NPC1L1: variants seen among roughly 807,000 people sequenced by gnomAD.
NPC1L1 encodes the protein NPC1 like intracellular cholesterol transporter 1.
In NPC1L1, 98 loss-of-function variants were observed where a neutral mutation model predicts 117.0. The observed-to-expected ratio is 0.84, with a 90% CI of 0.71 to 0.99. NPC1L1 has a LOEUF of 0.99. Ranked by LOEUF, NPC1L1 falls within the 50% of genes least tolerant of loss-of-function variation. The probability of loss-of-function intolerance (pLI) is 0.00; values close to 1 mark genes in which losing one functional copy is unlikely to be tolerated. For missense variants in NPC1L1, 1,540 were observed against 1,710.0 expected (o/e 0.90, Z 1.75); for synonymous variants, 729 against 727.6 (o/e 1.00, Z -0.03).
chr7:44,524,693 G>A (rs748878525), intron 10 of NPC1L1, among the ~76,000 whole-genome samples: 5 of 151,796 alleles, frequency 3.3e-5, no homozygotes, highest in Admixed American at 6.6e-5. Flanking sequence ...GCAGTGACCC[G>A]AGATCACACC....
rs374386282 is a variant in NPC1L1, at chr7:44,517,231, G to A, written c.3263C>T (p.Pro1088Leu). The change falls in exon 15 of 19, where the codon CCG (proline) becomes CTG (leucine). Residue 1088 changes from proline (P) to leucine (L), a missense_variant. By Grantham distance (98) the Pro-to-Leu change is moderately conservative (BLOSUM62 -3). Transcript: ENST00000381160. ...CGTGTAGGGGAAGACCTCAAAAGCCGGGTCTGTTCCAGGCACTTTCCGCAG... is the reference window on the plus strand; with the variant it reads ...CGTGTAGGGGAAGACCTCAAAAGCCAGGTCTGTTCCAGGCACTTTCCGCAG... ...ADLRKVPGTDPAFEVFPYTIT... is the reference protein window; with the variant it reads ...ADLRKVPGTDLAFEVFPYTIT... 1.4e-5 allele frequency: 22 copies of A among 1,613,828 alleles called. No individual in the cohort carries two copies. In the African/African-American group the frequency reaches 1.6e-4, roughly 12 times the overall value.
In NPC1L1 at chr7:44,536,698, A is replaced by G; in HGVS notation, c.1681+144T>C. 1.3e-6 allele frequency: 1 copy of G among 775,958 alleles called. No homozygotes were observed. Among genetic ancestry groups the G allele is most frequent in the East Asian group, 2.7e-5 (1 of 37,314 alleles). 48.1% of individuals were successfully genotyped at this position (775,958 alleles called of 1,614,324 possible). ...AAAGGAGATGGCAGAGAGAGGAAAC[A>G]GGACAGGGTTGGCCTACAGCTTCCA... On this transcript the variant is annotated intron_variant, in intron 3 of 18. Transcript: ENST00000381160. This position sits in a 1 kb window ranked among gnomAD's most constrained non-coding sequence, Gnocchi z 4.7.
chr7:44,540,424 G>A (rs1337463156), intron 1 of NPC1L1, 82 bp from the exon 2 acceptor site: 2 of 1,266,592 alleles, frequency 1.6e-6, no homozygotes. Flanking sequence ...GAGGGTGTGA[G>A]GGTAAGAAGG....
chr7:44,530,142 A>T (rs190059), intron 10 of NPC1L1, among the ~76,000 whole-genome samples: 6,901 of 152,214 alleles, frequency 0.045, 517 homozygotes, highest in African/African-American at 0.15. Flanking sequence ...GTTCAAGACC[A>T]GCCAGGCCAA....
intron 1 of NPC1L1, 138 bp downstream of exon 1, chr7:44,541,068 T>A: frequency 1.1e-6 from 1 of 888,110 alleles, no homozygotes; most frequent in South Asian, 1.6e-5. Context: ...GCATCCCTCA[T>A]GTGTCCAGAG....
At position 44,536,014 on chromosome 7, in the gene NPC1L1, A is replaced by G. The variant is rs1235815991; in HGVS notation, c.1855-46T>C. 3 of 1,612,020 alleles carry G rather than the reference A, an allele frequency of 1.9e-6. No homozygotes were observed. Among genetic ancestry groups the G allele is most frequent in the African/African-American group, 2.7e-5 (2 of 74,998 alleles). ...AGCCCCCACTGACCGTGCCTGCTTCAGCCAGGCCAGCTCTCAATAGCTCGG... is the reference window on the plus strand; with the variant it reads ...AGCCCCCACTGACCGTGCCTGCTTCGGCCAGGCCAGCTCTCAATAGCTCGG... On this transcript the variant is annotated intron_variant, in intron 4 of 18. Transcript: ENST00000381160. The surrounding 1 kb of genome is among the most constrained non-coding windows in gnomAD (Gnocchi z 4.7).
In NPC1L1 at chr7:44,536,124, A is replaced by G; in HGVS notation, c.1854+132T>C. The stretch of plus-strand genomic sequence containing the variant: ...TGAGGCTATAAGAACAGCCATCACA[A>G]TCACCCCGTTCTGAGCAGGCAGCCA... On this transcript the variant is annotated intron_variant, in intron 4 of 18. Coordinates refer to ENST00000381160, the MANE Select transcript of NPC1L1 (RefSeq NM_001101648.2). This position sits in a 1 kb window ranked among gnomAD's most constrained non-coding sequence, Gnocchi z 4.7. 6.5e-7 allele frequency: 1 copy of G among 1,538,700 alleles called. No individual in the cohort carries two copies. Among genetic ancestry groups the G allele is most frequent in the South Asian group, 1.1e-5 (1 of 88,908 alleles).
At chr7:44,515,728 G>T (rs182139631) in intron 18 of NPC1L1, 75 bp downstream of exon 18, 1 of 1,585,606 alleles carries the variant, frequency 6.3e-7, no homozygotes, top group Non-Finnish European at 8.7e-7. Context: ...CTGAGCTTTT[G>T]TGGTGAGCAT....
chr7:44,531,682 C>T lies in NPC1L1; in HGVS notation c.2637+73G>A, dbSNP rs1021508437. Reference sequence around the variant, plus strand: ...AGCCCCTGGCCGGAGGACCCCCCAACCCATCCCTGCTGGTTGCTACTGCCC... The same window carrying T: ...AGCCCCTGGCCGGAGGACCCCCCAATCCATCCCTGCTGGTTGCTACTGCCC... On this transcript the variant is annotated intron_variant, in intron 10 of 18. Coordinates refer to ENST00000381160, the MANE Select transcript of NPC1L1 (RefSeq NM_001101648.2). 1.8e-5 allele frequency: 24 copies of T among 1,366,338 alleles called. No homozygotes were observed. In the South Asian group the frequency reaches 2.9e-4, roughly 16 times the overall value. 84.6% of individuals were successfully genotyped at this position (1,366,338 alleles called of 1,614,324 possible).
Position 44,526,546 on chromosome 7 carries a change from C to CAAAAA in NPC1L1, c.2638-4309_2638-4305dup, listed in dbSNP as rs372498105. Among the ~76,000 whole-genome samples the CAAAAA allele has an allele frequency of 6.6e-4, 45 of 68,352 alleles. 1 individual carries two copies. The highest frequency in any genetic ancestry group is 2.7e-3 in the African/African-American group (39 of 14,402). 44.8% of individuals were successfully genotyped at this position (68,352 alleles called of 152,430 possible). On this transcript the variant is annotated intron_variant, in intron 10 of 18. Transcript: ENST00000381160. ...TCTGGGTGACAGTGAGACTCCATCT[C>CAAAAA]AAAAAAAAAAAAAAAAAACTAAAAA...
chr7:44,534,764 G>A lies in NPC1L1; in HGVS notation c.1984-135C>T, dbSNP rs549484284. 44 of 839,140 alleles carry A rather than the reference G, an allele frequency of 5.2e-5. No homozygotes were observed. In the South Asian group the frequency reaches 5.4e-4, roughly 10 times the overall value. The allele number at this position is 839,140 out of a possible 1,614,324, so 52.0% of individuals were successfully genotyped here. A position where few individuals can be genotyped will look rare whatever the true frequency, so the allele number is the denominator to read the frequency against. On this transcript the variant is annotated intron_variant, in intron 5 of 18. Coordinates refer to ENST00000381160, the MANE Select transcript of NPC1L1 (RefSeq NM_001101648.2). The surrounding 1 kb of genome is among the most constrained non-coding windows in gnomAD (Gnocchi z 5.2). ...GGTGCCCGATACTGCCCCCAGTGGT[G>A]AGGAGCTCACATCTCACATTAAAGC...
At position 44,531,776 on chromosome 7, in the gene NPC1L1, G is replaced by A. The variant is rs1379284770; in HGVS notation, c.2616C>T (p.Asp872=). Reference sequence around the variant, plus strand: ...TCACCTTGGGCAGGGCCAGCTCCTGGTCCAGTCCCACGCTGATGTGGCACA... The same window carrying A: ...TCACCTTGGGCAGGGCCAGCTCCTGATCCAGTCCCACGCTGATGTGGCACA... ...YSMCHISVGL[D]QELALPKDSY... is the part of the protein sequence containing the mutation. Residue 872 remains aspartate, a synonymous_variant, in exon 10 of 19, where the codon GAC becomes GAT. Coordinates refer to ENST00000381160, the MANE Select transcript of NPC1L1 (RefSeq NM_001101648.2). The A allele has an allele frequency of 6.3e-7, 1 of 1,582,992 alleles. No homozygotes were observed. Among genetic ancestry groups the A allele is most frequent in the South Asian group, 1.2e-5 (1 of 86,168 alleles).
intron 10 of NPC1L1, among the ~76,000 whole-genome samples, chr7:44,529,840 C>T (rs1801642182): frequency 1.3e-5 from 2 of 151,112 alleles, no homozygotes; most frequent in African/African-American, 4.9e-5. Context: ...TCGAGACCAG[C>T]CTGGCCAACA....
intron 10 of NPC1L1, among the ~76,000 whole-genome samples, chr7:44,530,568 C>T (rs372123940): frequency 4.4e-4 from 67 of 151,742 alleles, no homozygotes; most frequent in Admixed American, 4.6e-4. Context: ...CAATAAAAAA[C>T]GGAAAAAAAA....
At chr7:44,521,941 A>AGGCAGCAG (rs1801372194) in intron 11 of NPC1L1, 105 bp from the exon 12 acceptor site, 3 of 1,598,924 alleles carry the variant, frequency 1.9e-6, no homozygotes, top group East Asian at 4.5e-5. Context: ...TACGGCAGCA[A>AGGCAGCAG]GGCAGCAGGG....
chr7:44,538,481 T>C lies in NPC1L1; in HGVS notation c.1580+336A>G, dbSNP rs750487363. ...ACATAGCAAATATAAATATGTACTC[T>C]GCCAATCGGGCTCCTCTGTCAGACT... is the stretch of plus-strand genomic sequence containing the variant. On this transcript the variant is annotated intron_variant, in intron 2 of 18. Coordinates refer to ENST00000381160, the MANE Select transcript of NPC1L1 (RefSeq NM_001101648.2). The surrounding 1 kb of genome is among the most constrained non-coding windows in gnomAD (Gnocchi z 5.9). 6.6e-6 allele frequency among the ~76,000 whole-genome samples: 1 copy of C among 152,360 alleles called. No individual in the cohort carries two copies. The highest frequency in any genetic ancestry group is 1.9e-4 in the East Asian group (1 of 5,184).
intron 10 of NPC1L1, among the ~76,000 whole-genome samples, chr7:44,525,762 T>C (rs1002604146): frequency 1.3e-5 from 2 of 151,968 alleles, no homozygotes; most frequent in Non-Finnish European, 2.9e-5. Context: ...ATAGAAAATA[T>C]TGAAAAAAAA....
intron 5 of NPC1L1, among the ~76,000 whole-genome samples, chr7:44,535,364 CAAAAAAA>C (rs1203907892): frequency 5.3e-4 from 64 of 120,456 alleles, no homozygotes; most frequent in Non-Finnish European, 3.9e-4. Flanking sequence ...AGCTCTGTCT[CAAAAAAA>C]AAAAAAAAAT....
chr7:44,539,707 C>A lies in NPC1L1; in HGVS notation c.690G>T (p.Gly230=), dbSNP rs368673518. The A allele has an allele frequency of 6.2e-7, 1 of 1,614,084 alleles. No individual in the cohort carries two copies. The highest frequency in any genetic ancestry group is 1.1e-5 in the South Asian group (1 of 91,084). Reference sequence around the variant, plus strand: ...CCTCATTCAGAGGCTGAATCCCACTCCCCACGGCCTGGCCAGGCTCCAAGA... The same window carrying A: ...CCTCATTCAGAGGCTGAATCCCACTACCCACGGCCTGGCCAGGCTCCAAGA... ...FHLLEPGQAV[G]SGIQPLNEGV... is the part of the protein sequence containing the mutation. Residue 230 remains glycine, a synonymous_variant, in exon 2 of 19, where the codon GGG becomes GGT. Coordinates refer to ENST00000381160, the MANE Select transcript of NPC1L1 (RefSeq NM_001101648.2). This position sits in a 1 kb window ranked among gnomAD's most constrained non-coding sequence, Gnocchi z 4.4.
Sources: allele counts gnomAD v4.1 joint callset (sites outside exome capture counted in the v4.1 genomes callset), GRCh38; gene constraint gnomAD v4.1.1; non-coding constraint Gnocchi (gnomAD v3.1); transcripts MANE v1.5; gene names NCBI Gene and HGNC (gene_info 2026-07-23, HGNC 2026-07-21).